The following ANKFY1 variants were observed in gnomAD, a reference collection of about 807,000 sequenced individuals.
ANKFY1 encodes ankyrin repeat and FYVE domain-containing protein 1.
A neutral mutation model predicts 128.3 loss-of-function variants in ANKFY1; 47 were observed. The ratio of observed to expected loss-of-function variants is 0.37; its 90% CI spans 0.29 to 0.47. ANKFY1 has a LOEUF of 0.47. Among genes scored for constraint, ANKFY1 ranks in the 20% least tolerant of loss-of-function variants. ANKFY1 has a pLI of 1.00. For synonymous variants in ANKFY1, 553 were observed against 601.6 expected (o/e 0.92, Z 1.18); for missense variants, 1,222 against 1,510.6 (o/e 0.81, Z 3.17).
At position 4,249,413 on chromosome 17, in the gene ANKFY1, T is replaced by G. The variant is rs533463429; in HGVS notation, c.11-6965A>C. ...AAAATATTTAAAATATAGTTAATAT[T>G]TATAAGTTATTTTTATATGTTACAT... On this transcript the variant is annotated intron_variant, in intron 1 of 24. Coordinates refer to ENST00000341657, the MANE Select transcript of ANKFY1 (RefSeq NM_001330063.2). Among the ~76,000 whole-genome samples, 133 of 152,336 alleles carry G rather than the reference T, an allele frequency of 8.7e-4. 1 individual carries two copies. Among genetic ancestry groups the G allele is most frequent in the Non-Finnish European group, 1.5e-3 (104 of 68,028 alleles).
intron 1 of ANKFY1, among the ~76,000 whole-genome samples, chr17:4,255,962 A>C (rs1474700653): frequency 1.3e-5 from 2 of 152,150 alleles, no homozygotes; most frequent in Middle Eastern, 3.4e-3. Context: ...GGATTACAGG[A>C]GTGCACCACC....
intron 10 of ANKFY1, 30 bp downstream of exon 10, chr17:4,194,948 C>T (rs762717866): frequency 2.5e-6 from 4 of 1,613,058 alleles, no homozygotes; most frequent in African/African-American, 2.7e-5. Context: ...CAGACCCCAG[C>T]GTCGCCCCTT....
At chr17:4,213,017 C>T (rs940789556) in intron 4 of ANKFY1, among the ~76,000 whole-genome samples, 2 of 152,158 alleles carry the variant, frequency 1.3e-5, no homozygotes, top group African/African-American at 4.8e-5. Context: ...CCTCATGACC[C>T]GCCCGCCTCA....
At position 4,217,073 on chromosome 17, in the gene ANKFY1, G is replaced by A. The variant is rs1188355720; in HGVS notation, c.368C>T (p.Thr123Ile). The change falls in exon 4 of 25, where the codon ACA (threonine) becomes ATA (isoleucine). Residue 123 changes from threonine (T) to isoleucine (I), a missense_variant. Physicochemically the swap from Thr to Ile is moderately conservative, Grantham distance 89. Transcript: ENST00000341657. ...ATCCTCTCTGAACTCCAGCTCATCT[G>A]TATAGATCCAGCGAAGCATTGTCAT... is the stretch of plus-strand genomic sequence containing the variant. ...VTMTMLRWIY[T>I]DELEFREDDV... 1.2e-6 allele frequency: 2 copies of A among 1,613,702 alleles called. No homozygotes were observed. The highest frequency in any genetic ancestry group is 1.3e-5 in the African/African-American group (1 of 74,930).
chr17:4,261,801 T>C (rs527893548), intron 1 of ANKFY1, among the ~76,000 whole-genome samples: 1 of 152,310 alleles, frequency 6.6e-6, no homozygotes, highest in South Asian at 2.1e-4. Context: ...CCTTCCTAAG[T>C]GCAAAAGCGC....
In ANKFY1 at chr17:4,227,035, G is replaced by A. The variant is rs549583782; in HGVS notation, c.322+8737C>T. ...AACCTGACACAGAAGAAACAAATCT[G>A]AATAGACCTATATCTATACAAAATA... On this transcript the variant is annotated intron_variant, in intron 3 of 24. Transcript: ENST00000341657. 1.8e-4 allele frequency among the ~76,000 whole-genome samples: 28 copies of A among 152,190 alleles called. 1 individual carries two copies. The South Asian group carries it at 5.8e-3, about 32-fold the overall frequency.
chr17:4,189,050 T>C (rs765056769), intron 11 of ANKFY1, among the ~76,000 whole-genome samples: 2 of 152,194 alleles, frequency 1.3e-5, no homozygotes, highest in Non-Finnish European at 2.9e-5. Context: ...AAATGTGAAG[T>C]GTTATCAAGA....
At chr17:4,214,978 T>C (rs916424051) in intron 4 of ANKFY1, among the ~76,000 whole-genome samples, 2 of 152,190 alleles carry the variant, frequency 1.3e-5, no homozygotes, top group Admixed American at 6.5e-5. Flanking sequence ...CTTTTTTTAG[T>C]ATACATTAAT....
rs1366569510 is a variant in ANKFY1, at chr17:4,174,024, G to C, written c.2808C>G (p.Thr936=). The change falls in exon 20 of 25, where the codon ACC becomes ACG. Residue 936 remains threonine, a synonymous_variant. Coordinates refer to ENST00000341657, the MANE Select transcript of ANKFY1 (RefSeq NM_001330063.2). ...GATGGAGGGCAGTCTGGCGATGCTT[G>C]GTTAATTCGTTCACTTTGGCTCCCG... ...LLAGAKVNEL[T]KHRQTALHLA... 6 of 1,614,034 alleles carry C rather than the reference G, an allele frequency of 3.7e-6. No individual in the cohort carries two copies. The highest frequency in any genetic ancestry group is 1.3e-5 in the African/African-American group (1 of 74,932).
chr17:4,186,162 C>T (rs540160998), intron 11 of ANKFY1, among the ~76,000 whole-genome samples: 2 of 152,270 alleles, frequency 1.3e-5, no homozygotes, highest in South Asian at 2.1e-4. Context: ...CGTGTATGTC[C>T]GTATGTAAAC....
intron 3 of ANKFY1, among the ~76,000 whole-genome samples, chr17:4,221,832 G>A (rs747206737): frequency 3.9e-5 from 6 of 152,124 alleles, no homozygotes; most frequent in Non-Finnish European, 8.8e-5. Flanking sequence ...GGTCAGGCTG[G>A]TCTGGAACTC....
chr17:4,204,157 T>C (rs1481215850), intron 7 of ANKFY1, among the ~76,000 whole-genome samples: 2 of 152,192 alleles, frequency 1.3e-5, no homozygotes, highest in Non-Finnish European at 2.9e-5. Flanking sequence ...TTTCACTCTT[T>C]AACAGTTAAA....
intron 12 of ANKFY1, 109 bp from the exon 13 acceptor site, chr17:4,184,019 A>G (rs2059565803): frequency 2.3e-6 from 2 of 859,228 alleles, no homozygotes; most frequent in Admixed American, 2.2e-5. Context: ...AATATGATCA[A>G]TGCTATAAAA....
intron 1 of ANKFY1, among the ~76,000 whole-genome samples, chr17:4,247,804 C>A (rs1039243446): frequency 1.3e-5 from 2 of 152,208 alleles, no homozygotes; most frequent in Non-Finnish European, 2.9e-5. Context: ...AGTTTTGATA[C>A]ACCTTAGGCA....
intron 3 of ANKFY1, chr17:4,223,578 T>A: frequency 8.0e-7 from 1 of 1,243,406 alleles, no homozygotes; most frequent in East Asian, 2.3e-5. Context: ...GCACTAGTGA[T>A]GTGTGGGGCC....
At chr17:4,213,684 C>T (rs1240038037) in intron 4 of ANKFY1, among the ~76,000 whole-genome samples, 1 of 151,690 alleles carries the variant, frequency 6.6e-6, no homozygotes, top group Non-Finnish European at 1.5e-5. Flanking sequence ...CTCCTGTCTC[C>T]TGCCTCTGCC....
chr17:4,183,337 G>C, intron 14 of ANKFY1, 61 bp downstream of exon 14: 1 of 1,579,654 alleles, frequency 6.3e-7, no homozygotes, highest in Non-Finnish European at 8.6e-7. Context: ...GCGAGGCTAT[G>C]CTTTTGACAT....
intron 3 of ANKFY1, chr17:4,223,755 CG>C (rs1567958514): frequency 6.4e-7 from 1 of 1,568,222 alleles, no homozygotes; most frequent in Non-Finnish European, 8.8e-7. Flanking sequence ...GCCTTAGATC[CG>C]GGGGAGAGGC....
chr17:4,171,601 G>C (rs545228875), intron 22 of ANKFY1, among the ~76,000 whole-genome samples: 1 of 152,222 alleles, frequency 6.6e-6, no homozygotes, highest in Non-Finnish European at 1.5e-5. Context: ...ACAGGTCTCT[G>C]TAAACCGGGG....
Sources: allele counts gnomAD v4.1 joint callset (sites outside exome capture counted in the v4.1 genomes callset), GRCh38; gene constraint gnomAD v4.1.1; transcripts MANE v1.5; gene names NCBI Gene and HGNC (gene_info 2026-07-23, HGNC 2026-07-21).